Variants in PELI2 observed in about 807,000 individuals in gnomAD.
The protein encoded by PELI2 is pellino E3 ubiquitin protein ligase family member 2.
In PELI2, 23 loss-of-function variants were observed where a neutral mutation model predicts 42.3. The observed-to-expected ratio is 0.54, with a 90% CI of 0.39 to 0.77. PELI2 has a LOEUF of 0.77. Among genes scored for constraint, PELI2 ranks in the 30% least tolerant of loss-of-function variants. PELI2 has a pLI of 0.00. For missense variants in PELI2, 463 were observed against 553.2 expected (o/e 0.84, Z 1.64); for synonymous variants, 245 against 212.2 (o/e 1.15, Z -1.34).
At chr14:56,218,091 G>C (rs534260467) in intron 2 of PELI2, among the ~76,000 whole-genome samples, 2 of 152,176 alleles carry the variant, frequency 1.3e-5, no homozygotes, top group Non-Finnish European at 2.9e-5. Context: ...TAGCTAATAC[G>C]TGATAAAGCT....
At position 56,265,507 on chromosome 14, in the gene PELI2, A is replaced by G. The variant is rs139508623; in HGVS notation, c.208-14169A>G. ...TAAAACTAAATATAAAACTTCTAAG[A>G]GAAAACATAGAAGAAAAATCTTTGC... On this transcript the variant is annotated intron_variant, in intron 2 of 5. Coordinates refer to ENST00000267460, the MANE Select transcript of PELI2 (RefSeq NM_021255.3). 9.7e-4 allele frequency among the ~76,000 whole-genome samples: 147 copies of G among 152,270 alleles called. 1 individual carries two copies. Among genetic ancestry groups the G allele is most frequent in the African/African-American group, 3.4e-3 (142 of 41,586 alleles).
chr14:56,130,300 A>G (rs769294855), intron 1 of PELI2, among the ~76,000 whole-genome samples: 1 of 152,210 alleles, frequency 6.6e-6, no homozygotes, highest in Admixed American at 6.5e-5. Context: ...CATTTTATGC[A>G]TGAAACTGAG....
At chr14:56,285,439 A>T (rs1248998514) in intron 3 of PELI2, among the ~76,000 whole-genome samples, 1 of 152,314 alleles carries the variant, frequency 6.6e-6, no homozygotes, top group Admixed American at 6.5e-5. Context: ...TATCAAACAT[A>T]CAAGTGGAGA....
intron 2 of PELI2, among the ~76,000 whole-genome samples, chr14:56,225,848 C>G (rs974159152): frequency 2.0e-5 from 3 of 152,116 alleles, no homozygotes; most frequent in South Asian, 2.1e-4. Context: ...GCAGGGGGTC[C>G]CTTGCTCCAC....
At chr14:56,283,484 A>G (rs1889546923) in intron 3 of PELI2, among the ~76,000 whole-genome samples, 1 of 152,222 alleles carries the variant, frequency 6.6e-6, no homozygotes, top group African/African-American at 2.4e-5. Context: ...AAAGGCAGTT[A>G]ACGTCTTTGT....
chr14:56,248,877 C>T (rs542970617), intron 2 of PELI2, among the ~76,000 whole-genome samples: 1 of 152,198 alleles, frequency 6.6e-6, no homozygotes, highest in East Asian at 1.9e-4. Flanking sequence ...CTGCTCCTGC[C>T]ATGCCACTTG....
chr14:56,226,401 C>G (rs1887357643), intron 2 of PELI2, among the ~76,000 whole-genome samples: 1 of 152,198 alleles, frequency 6.6e-6, no homozygotes. Context: ...ACCTTGCTTC[C>G]TGGATTATTT....
At chr14:56,171,553 C>T (rs1885168790) in intron 1 of PELI2, among the ~76,000 whole-genome samples, 1 of 152,226 alleles carries the variant, frequency 6.6e-6, no homozygotes, top group African/African-American at 2.4e-5. Flanking sequence ...TTTTCATTGC[C>T]TACCGTGTGT....
intron 2 of PELI2, among the ~76,000 whole-genome samples, chr14:56,189,695 G>A (rs1188177140): frequency 6.6e-6 from 1 of 152,158 alleles, no homozygotes; most frequent in African/African-American, 2.4e-5. Context: ...CCTAACATTT[G>A]TACTTACTTA....
At chr14:56,237,484 C>T (rs1887839163) in intron 2 of PELI2, among the ~76,000 whole-genome samples, 2 of 151,986 alleles carry the variant, frequency 1.3e-5, no homozygotes, top group South Asian at 2.1e-4. Flanking sequence ...ATTAATTTCT[C>T]CCCATTGTTT....
chr14:56,185,087 A>AT (rs1173156036), intron 2 of PELI2, among the ~76,000 whole-genome samples: 1 of 152,124 alleles, frequency 6.6e-6, no homozygotes, highest in East Asian at 1.9e-4. Flanking sequence ...TTGTTAAATA[A>AT]TATCACTCCT....
intron 2 of PELI2, among the ~76,000 whole-genome samples, 184 bp from the exon 3 acceptor site, chr14:56,279,492 C>T (rs142850948): frequency 3.9e-5 from 6 of 152,100 alleles, no homozygotes; most frequent in South Asian, 2.1e-4. Context: ...TTGATAAAAC[C>T]AGAATTGTGA....
chr14:56,162,626 C>T (rs1017285607), intron 1 of PELI2, among the ~76,000 whole-genome samples: 5 of 151,904 alleles, frequency 3.3e-5, no homozygotes, highest in African/African-American at 1.2e-4. Context: ...TGGTATATAC[C>T]CAGTAGTGAG....
chr14:56,130,328 C>T (rs1233562513), intron 1 of PELI2, among the ~76,000 whole-genome samples: 1 of 152,156 alleles, frequency 6.6e-6, no homozygotes, highest in Non-Finnish European at 1.5e-5. Flanking sequence ...GCTTGAGAAG[C>T]TTGTTCAGGG....
rs1292857074 is a variant in PELI2, at chr14:56,298,544, T to C, written c.*1378T>C. 2 of 152,664 alleles carry C rather than the reference T, an allele frequency of 1.3e-5. No homozygotes were observed. The highest frequency in any genetic ancestry group is 1.3e-4 in the Admixed American group (2 of 15,290). The allele number at this position is 152,664 out of a possible 1,614,324, so 9.5% of individuals were successfully genotyped here. On this transcript the variant is annotated 3_prime_UTR_variant, in exon 6 of 6. Transcript: ENST00000267460. ...ACTAATGTTCTCTTAATTTGACCAT[T>C]GCAGATTTGGGTGACTTTTTTTTAA...
At chr14:56,173,395 GT>G (rs201767242) in intron 1 of PELI2, among the ~76,000 whole-genome samples, 215 of 147,472 alleles carry the variant, frequency 1.5e-3, no homozygotes, top group East Asian at 6.3e-3. Flanking sequence ...TTTTTGTAAG[GT>G]TTTTTTTTTT....
chr14:56,271,246 C>T (rs970553012), intron 2 of PELI2, among the ~76,000 whole-genome samples: 4 of 152,190 alleles, frequency 2.6e-5, no homozygotes, highest in African/African-American at 9.6e-5. Flanking sequence ...CATTCATTTG[C>T]TCATAAATGT....
At chr14:56,127,579 C>T (rs978773648) in intron 1 of PELI2, among the ~76,000 whole-genome samples, 1 of 152,232 alleles carries the variant, frequency 6.6e-6, no homozygotes, top group African/African-American at 2.4e-5. Flanking sequence ...TTGTGTGGTG[C>T]AGTTTACAAA....
chr14:56,186,289 C>T (rs1029484302), intron 2 of PELI2, among the ~76,000 whole-genome samples: 8 of 152,160 alleles, frequency 5.3e-5, no homozygotes, highest in South Asian at 4.1e-4. Flanking sequence ...GTCCTGTAAT[C>T]ACATGGAACT....
Sources: gnomAD v4.1 joint callset for allele counts (sites outside exome capture counted in the v4.1 genomes callset) on GRCh38, gnomAD v4.1.1 for gene constraint, MANE v1.5 for transcripts, NCBI Gene and HGNC (gene_info 2026-07-23, HGNC 2026-07-21) for gene names.